CCSER1: variants seen among roughly 807,000 people sequenced by gnomAD.
CCSER1 encodes the protein coiled-coil serine rich protein 1, also known as serine-rich coiled-coil domain-containing protein 1.
Under a neutral mutation model 82.0 loss-of-function variants are expected in CCSER1, and 41 were observed. That is an observed-to-expected ratio of 0.50 (90% CI 0.39 to 0.65). The LOEUF is 0.65. Ranked by LOEUF, CCSER1 falls within the 30% of genes least tolerant of loss-of-function variation. The pLI, the probability that CCSER1 is intolerant of heterozygous loss-of-function variation, is 0.00. For missense variants in CCSER1, 1,119 were observed against 1,064.2 expected (o/e 1.05, Z -0.72); for synonymous variants, 414 against 383.9 (o/e 1.08, Z -0.92).
intron 10 of CCSER1, among the ~76,000 whole-genome samples, chr4:91,435,425 A>C (rs889964405): frequency 6.3e-5 from 9 of 142,546 alleles, no homozygotes; most frequent in African/African-American, 1.8e-4. Context: ...TGAGTGACAG[A>C]GTGAGACCCT....
At chr4:91,198,941 A>G (rs1735680832) in intron 10 of CCSER1, among the ~76,000 whole-genome samples, 1 of 152,014 alleles carries the variant, frequency 6.6e-6, no homozygotes, top group Admixed American at 6.6e-5. Context: ...TTCTCTTTCT[A>G]TTCTGTTTTC....
At chr4:90,527,439 A>G (rs114891189) in intron 5 of CCSER1, among the ~76,000 whole-genome samples, 1,736 of 152,182 alleles carry the variant, frequency 0.011, 32 homozygotes, top group African/African-American at 0.039. Context: ...AGGCTTTTTT[A>G]TGAGAGATAA....
chr4:91,011,733 C>T (rs1416893987), intron 9 of CCSER1, among the ~76,000 whole-genome samples: 1 of 134,330 alleles, frequency 7.4e-6, no homozygotes, highest in Non-Finnish European at 1.7e-5. Context: ...GGCTCAGTGG[C>T]AACTCAGGTC....
At chr4:91,399,267 A>G (rs1211391198) in intron 10 of CCSER1, among the ~76,000 whole-genome samples, 1 of 151,844 alleles carries the variant, frequency 6.6e-6, no homozygotes, top group Admixed American at 6.6e-5. Flanking sequence ...AATTCACTCT[A>G]GTCTTGACTT....
At chr4:91,468,955 C>G (rs1757111345) in intron 10 of CCSER1, among the ~76,000 whole-genome samples, 1 of 152,078 alleles carries the variant, frequency 6.6e-6, no homozygotes, top group South Asian at 2.1e-4. Flanking sequence ...CATATCTAAA[C>G]TAATTATCCA....
intron 7 of CCSER1, among the ~76,000 whole-genome samples, chr4:90,733,711 A>G (rs1007750153): frequency 1.3e-5 from 2 of 152,176 alleles, no homozygotes; most frequent in Non-Finnish European, 2.9e-5. Context: ...ATATGATCAG[A>G]GATAGGGGTC....
chr4:90,313,139 A>T (rs751949556), intron 3 of CCSER1, 92 bp downstream of exon 3: 1 of 1,034,992 alleles, frequency 9.7e-7, no homozygotes, highest in Non-Finnish European at 1.4e-6. Flanking sequence ...AGACTACAGG[A>T]TAGACACCTC....
At chr4:90,901,813 C>T (rs1050698767) in intron 8 of CCSER1, among the ~76,000 whole-genome samples, 1 of 151,700 alleles carries the variant, frequency 6.6e-6, no homozygotes, top group Non-Finnish European at 1.5e-5. Context: ...CTCTGATTTT[C>T]TTTCTTGTAT....
intron 10 of CCSER1, among the ~76,000 whole-genome samples, chr4:91,185,789 A>G (rs1734481983): frequency 6.6e-6 from 1 of 152,118 alleles, no homozygotes; most frequent in Non-Finnish European, 1.5e-5. Context: ...ATTCCTTTTT[A>G]GTATGACCAT....
chr4:91,579,761 T>C (rs896386484), intron 10 of CCSER1, among the ~76,000 whole-genome samples: 4 of 151,838 alleles, frequency 2.6e-5, no homozygotes, highest in African/African-American at 9.7e-5. Flanking sequence ...GTAGCATGAA[T>C]AGGGGATTAA....
chr4:90,795,994 A>C (rs1755954223), intron 7 of CCSER1, among the ~76,000 whole-genome samples: 1 of 150,160 alleles, frequency 6.7e-6, no homozygotes, highest in Admixed American at 6.6e-5. Flanking sequence ...TGTCAGGATG[A>C]TGCTGGCTTC....
In CCSER1 at chr4:91,003,645, G is replaced by T. The variant is rs555870402; in HGVS notation, c.2172+80198G>T. 1.7e-4 allele frequency among the ~76,000 whole-genome samples: 26 copies of T among 152,240 alleles called. No individual in the cohort carries two copies. The South Asian group carries it at 1.9e-3, about 11-fold the overall frequency. ...AGAACTTGTCCCAGACTACCTGCCT[G>T]CCAGCTATGAGAGCAGTTAGGGCTT... On this transcript the variant is annotated intron_variant, in intron 9 of 10. Transcript: ENST00000509176.
intron 7 of CCSER1, among the ~76,000 whole-genome samples, chr4:90,806,992 C>T (rs2149722688): frequency 6.6e-6 from 1 of 150,840 alleles, no homozygotes; most frequent in African/African-American, 2.4e-5. Flanking sequence ...ATTAACTTTT[C>T]TTAAGTGACA....
chr4:91,378,189 C>T (rs1352370817), intron 10 of CCSER1, among the ~76,000 whole-genome samples: 2 of 152,144 alleles, frequency 1.3e-5, no homozygotes, highest in Non-Finnish European at 2.9e-5. Context: ...AGCGTGATGC[C>T]TCCAACTTTG....
chr4:90,969,986 C>T (rs1017071920), intron 9 of CCSER1, among the ~76,000 whole-genome samples: 4 of 146,578 alleles, frequency 2.7e-5, no homozygotes, highest in Non-Finnish European at 6.0e-5. Flanking sequence ...AATTATACCA[C>T]CGCAAAAAAA....
intron 6 of CCSER1, among the ~76,000 whole-genome samples, chr4:90,703,354 C>A (rs1036693332): frequency 6.6e-6 from 1 of 152,178 alleles, no homozygotes; most frequent in Non-Finnish European, 1.5e-5. Flanking sequence ...GTTATAATTT[C>A]TGTTCTTTTC....
intron 5 of CCSER1, among the ~76,000 whole-genome samples, chr4:90,500,860 T>A (rs1769765136): frequency 6.6e-6 from 1 of 152,102 alleles, no homozygotes; most frequent in East Asian, 1.9e-4. Context: ...TGCTTCAGAG[T>A]TTTATTATTT....
At chr4:90,985,676 A>G (rs1736522141) in intron 9 of CCSER1, among the ~76,000 whole-genome samples, 1 of 151,702 alleles carries the variant, frequency 6.6e-6, no homozygotes, top group African/African-American at 2.4e-5. Context: ...ATTATACGTC[A>G]TCTGAATGGC....
At chr4:90,363,027 C>T (rs1416398941) in intron 3 of CCSER1, among the ~76,000 whole-genome samples, 1 of 152,092 alleles carries the variant, frequency 6.6e-6, no homozygotes, top group Non-Finnish European at 1.5e-5. Flanking sequence ...GTTGTACTGA[C>T]ATGAGCTTAT....
Sources: allele counts gnomAD v4.1 joint callset (sites outside exome capture counted in the v4.1 genomes callset), GRCh38; gene constraint gnomAD v4.1.1; transcripts MANE v1.5; gene names NCBI Gene and HGNC (gene_info 2026-07-23, HGNC 2026-07-21).